Variants in ZNF846 observed in about 807,000 individuals in gnomAD.
ZNF846 encodes the protein zinc finger protein 420 pseudogene.
ZNF846 carries 15 observed loss-of-function variants against 16.0 expected under a neutral mutation model. That is an observed-to-expected ratio of 0.94 (90% CI 0.63 to 1.45). The LOEUF (loss-of-function observed/expected upper bound fraction) is 1.45, where lower values mean the gene tolerates loss of function less well. ZNF846 is among the 40% of genes most tolerant of loss of function. The pLI is 0.00. For missense variants in ZNF846, 714 were observed against 622.3 expected, an observed-to-expected ratio of 1.15 and a Z score of -1.57; for synonymous variants, 229 against 212.0, an observed-to-expected ratio of 1.08 and a Z score of -0.70.
At chr19:9,764,295 AC>A (rs765823725) in intron 2 of ZNF846, among the ~76,000 whole-genome samples, 2 of 152,190 alleles carry the variant, frequency 1.3e-5, no homozygotes, top group Non-Finnish European at 2.9e-5. Context: ...ATTGTTTCTA[AC>A]CAGCATTTGT....
intron 1 of ZNF846, chr19:9,774,398 G>A (rs2045416046): frequency 1.8e-6 from 1 of 570,742 alleles, no homozygotes; most frequent in Non-Finnish European, 3.2e-6. Context: ...AACCCGGGAG[G>A]TGGAGCTTGC....
chr19:9,764,722 C>T, intron 2 of ZNF846: 1 of 589,158 alleles, frequency 1.7e-6, no homozygotes. Flanking sequence ...AGCCCCGTTG[C>T]ACTGTGGGCT....
intron 1 of ZNF846, chr19:9,775,057 CCACCGCCTGACATT>C (rs1383789743): frequency 9.3e-7 from 1 of 1,072,344 alleles, no homozygotes; most frequent in African/African-American, 1.6e-5. Flanking sequence ...TTGACACGTG[CCACCGCCTGACATT>C]CACTTGTGGC....
chr19:9,753,637 C>G (rs1443861837), downstream of ZNF846, among the ~76,000 whole-genome samples: 1 of 151,656 alleles, frequency 6.6e-6, no homozygotes, highest in Admixed American at 6.6e-5. Context: ...AAGATGTTTT[C>G]TAATTTACCT....
chr19:9,763,594 A>G (rs2045266287), intron 2 of ZNF846, 186 bp from the exon 3 acceptor site: 1 of 447,454 alleles, frequency 2.2e-6, no homozygotes, highest in Non-Finnish European at 3.9e-6. Flanking sequence ...CATCACTGAA[A>G]CATGACTAAA....
At chr19:9,750,122 T>G (rs779560079), downstream of ZNF846, among the ~76,000 whole-genome samples, 28 of 152,128 alleles carry the variant, frequency 1.8e-4, no homozygotes, top group Non-Finnish European at 7.4e-5. Context: ...GATGGGAGCA[T>G]TCCAACTTCA....
intron 3 of ZNF846, 122 bp downstream of exon 3, chr19:9,763,158 AAG>A: frequency 1.2e-6 from 1 of 858,404 alleles, no homozygotes; most frequent in Non-Finnish European, 1.6e-6. Context: ...AAAAAAAAAA[AAG>A]GAATGTCCAC....
At chr19:9,755,251 A>G (rs1335488512), downstream of ZNF846, among the ~76,000 whole-genome samples, 1 of 151,614 alleles carries the variant, frequency 6.6e-6, no homozygotes, top group Non-Finnish European at 1.5e-5. Flanking sequence ...AATATAGAAA[A>G]AATTCTACTA....
At chr19:9,778,301 C>T (rs2045467449) in intron 1 of ZNF846, among the ~76,000 whole-genome samples, 1 of 152,130 alleles carries the variant, frequency 6.6e-6, no homozygotes, top group Non-Finnish European at 1.5e-5. Flanking sequence ...ATGAAAAATT[C>T]ACTACAGGGA....
At chr19:9,753,572 C>G (rs1461388471), downstream of ZNF846, among the ~76,000 whole-genome samples, 1 of 151,514 alleles carries the variant, frequency 6.6e-6, no homozygotes, top group Non-Finnish European at 1.5e-5. Flanking sequence ...AAAATTTAGA[C>G]TACAGCAACA....
chr19:9,764,891 G>GGCTACAA, intron 2 of ZNF846, 45 bp downstream of exon 2: 5 of 1,611,426 alleles, frequency 3.1e-6, no homozygotes, highest in Non-Finnish European at 1.7e-6. Flanking sequence ...TACCGATGAT[G>GGCTACAA]GCTACAAGCA....
chr19:9,757,723 A>G (rs2045154982), exon 6 of ZNF846: 1 of 1,613,388 alleles, frequency 6.2e-7, no homozygotes, highest in Non-Finnish European at 8.5e-7. Context: ...CATTCCTTAC[A>G]TTCACAGGCC....
At chr19:9,761,893 A>T (rs1568323504) in intron 4 of ZNF846, among the ~76,000 whole-genome samples, 189 bp downstream of exon 4, 1 of 151,016 alleles carries the variant, frequency 6.6e-6, no homozygotes, top group Non-Finnish European at 1.5e-5. Context: ...AACAGAAAAG[A>T]GGTTGAGAAG....
intron 1 of ZNF846, among the ~76,000 whole-genome samples, chr19:9,785,416 T>TTAATCGATTGCGGATC (rs1214736147): frequency 6.6e-6 from 1 of 151,918 alleles, no homozygotes; most frequent in Non-Finnish European, 1.5e-5. Flanking sequence ...CAGTATGGTC[T>TTAATCGATTGCGGATC]TAATCGATTG....
In ZNF846 at chr19:9,762,187, A is replaced by T. The variant is rs773291887; in HGVS notation, c.143-19T>A. ...GACCCTGCTGGAGGGAAAAATGCACAAAAGAAGAGGCCCATGCAAGACATA... is the reference window on the plus strand; with the variant it reads ...GACCCTGCTGGAGGGAAAAATGCACTAAAGAAGAGGCCCATGCAAGACATA... On this transcript the variant is annotated intron_variant, in intron 3 of 5. Transcript: ENST00000397902. The T allele has an allele frequency of 1.2e-6, 2 of 1,601,300 alleles. No homozygotes were observed. The highest frequency in any genetic ancestry group is 1.7e-6 in the Non-Finnish European group (2 of 1,168,522).
chr19:9,758,545 C>T (rs1568322020), exon 6 of ZNF846: 2 of 1,613,106 alleles, frequency 1.2e-6, no homozygotes, highest in South Asian at 1.1e-5. Flanking sequence ...TGGTTGAAGG[C>T]TTTTTCATGT....
At chr19:9,780,071 T>A (rs1392410410) in intron 1 of ZNF846, among the ~76,000 whole-genome samples, 3 of 150,424 alleles carry the variant, frequency 2.0e-5, no homozygotes, top group Non-Finnish European at 4.4e-5. Context: ...TTTTTTTTTT[T>A]GTAGAGATGA....
chr19:9,754,302 T>C (rs1792000604), downstream of ZNF846, among the ~76,000 whole-genome samples: 2 of 151,484 alleles, frequency 1.3e-5, no homozygotes, highest in Admixed American at 6.6e-5. Context: ...TGATGGCTCA[T>C]GCCTGTAATC....
chr19:9,757,911 G>A, exon 6 of ZNF846: 1 of 1,613,478 alleles, frequency 6.2e-7, no homozygotes, highest in East Asian at 2.2e-5. Context: ...CTTTTCTCCA[G>A]TATGTGTTCT....
Sources: allele counts gnomAD v4.1 joint callset (sites outside exome capture counted in the v4.1 genomes callset), GRCh38; gene constraint gnomAD v4.1.1; transcripts MANE v1.5; gene names NCBI Gene and HGNC (gene_info 2026-07-23, HGNC 2026-07-21).